The following MACF1 variants were observed in gnomAD, a reference collection of about 807,000 sequenced individuals.
MACF1 encodes microtubule actin crosslinking factor 1.
Under a neutral mutation model 854.8 loss-of-function variants are expected in MACF1, and 193 were observed. The observed-to-expected ratio is 0.23, with a 90% CI of 0.20 to 0.25. The LOEUF is 0.25. MACF1 is among the 10% of genes least tolerant of loss of function. MACF1 has a pLI of 1.00. For missense variants in MACF1, 7,722 were observed against 8,929.1 expected, an observed-to-expected ratio of 0.86 and a Z score of 5.45; for synonymous variants, 3,185 against 3,226.7, an observed-to-expected ratio of 0.99 and a Z score of 0.44.
intron 1 of MACF1, among the ~76,000 whole-genome samples, chr1:39,211,691 G>T (rs1644518870): frequency 6.6e-6 from 1 of 152,096 alleles, no homozygotes; most frequent in Non-Finnish European, 1.5e-5. Flanking sequence ...AACCAGCCTG[G>T]CCAAGATGGT....
chr1:39,196,725 G>A (rs1644325122), intron 2 of MACF1, among the ~76,000 whole-genome samples: 1 of 152,216 alleles, frequency 6.6e-6, no homozygotes, highest in African/African-American at 2.4e-5. Flanking sequence ...TATGATGCTT[G>A]TGGATATCAA....
At chr1:39,406,787 G>T (rs1642732252) in intron 58 of MACF1, among the ~76,000 whole-genome samples, 1 of 138,880 alleles carries the variant, frequency 7.2e-6, no homozygotes, top group South Asian at 2.2e-4. Flanking sequence ...AACCACCCAT[G>T]TTTCATCCAG....
In MACF1 at chr1:39,335,276, A is replaced by G. The variant is rs752568087; in HGVS notation, c.8688A>G (p.Glu2896=). The G allele has an allele frequency of 6.2e-7, 1 of 1,614,138 alleles. No individual in the cohort carries two copies. The highest frequency in any genetic ancestry group is 1.7e-5 in the Admixed American group (1 of 60,030). ...PYSECDFKLK[E]VARNNMGNDT... is the part of the protein sequence containing the mutation. ...CTGAATGTGATTTTAAACTTAAAGA[A>G]GTGGCTAGAAATAACATGGGAAATG... The change falls in exon 37 of 101, where the codon GAA becomes GAG. Residue 2896 remains glutamate (E), a synonymous_variant. Transcript: ENST00000564288.
intron 2 of MACF1, among the ~76,000 whole-genome samples, chr1:39,097,275 G>T (rs892044428): frequency 4.6e-5 from 7 of 152,074 alleles, no homozygotes; most frequent in Non-Finnish European, 1.0e-4. Context: ...CCAGCTTGAG[G>T]TTCAGGCTCT....
intron 58 of MACF1, among the ~76,000 whole-genome samples, chr1:39,390,143 T>C (rs1241648762): frequency 6.6e-6 from 1 of 152,232 alleles, no homozygotes; most frequent in African/African-American, 2.4e-5. Flanking sequence ...AGTCTCTCAC[T>C]CTGCCACTGT....
At chr1:39,205,166 A>G (rs1644436325) in intron 1 of MACF1, 35 bp downstream of exon 1, 1 of 702,344 alleles carries the variant, frequency 1.4e-6, no homozygotes, top group African/African-American at 1.7e-5. Flanking sequence ...CTTTAAATCT[A>G]CTGTGGGGCT....
At chr1:39,317,536 C>CTGGACAAGTTCTGG in intron 29 of MACF1, 129 bp downstream of exon 29, 1 of 1,053,888 alleles carries the variant, frequency 9.5e-7, no homozygotes, top group East Asian at 2.6e-5. Context: ...ATTTAAAAAC[C>CTGGACAAGTTCTGG]ACATAAATTC....
intron 50 of MACF1, 75 bp from the exon 51 acceptor site, chr1:39,369,955 A>T: frequency 1.5e-6 from 2 of 1,366,512 alleles, no homozygotes; most frequent in South Asian, 1.4e-5. Flanking sequence ...CTGGAGTCAC[A>T]GAATGAACTA....
chr1:39,360,034 T>G lies in MACF1; in HGVS notation c.12245-759T>G, dbSNP rs1163164931. Among the ~76,000 whole-genome samples, 27 of 85,182 alleles carry G rather than the reference T, an allele frequency of 3.2e-4. 1 individual carries two copies. The highest frequency in any genetic ancestry group is 1.2e-3 in the African/African-American group (25 of 21,028). 55.9% of individuals were successfully genotyped at this position (85,182 alleles called of 152,430 possible). ...AAAAATATATATATATATATATATA[T>G]ATATATATATATATATATACACACA... On this transcript the variant is annotated intron_variant, in intron 47 of 100. Coordinates refer to ENST00000564288, the MANE Select transcript of MACF1 (RefSeq NM_001394062.1).
chr1:39,225,987 A>T (rs1644711595), intron 1 of MACF1, among the ~76,000 whole-genome samples: 1 of 152,192 alleles, frequency 6.6e-6, no homozygotes, highest in African/African-American at 2.4e-5. Context: ...GCACTGTAAT[A>T]TTCTTTTATC....
At chr1:39,160,698 T>C (rs1011415965) in intron 2 of MACF1, among the ~76,000 whole-genome samples, 7 of 152,204 alleles carry the variant, frequency 4.6e-5, no homozygotes, top group Non-Finnish European at 8.8e-5. Flanking sequence ...GTCCTTATCA[T>C]TTTTTGGAAT....
intron 49 of MACF1, among the ~76,000 whole-genome samples, chr1:39,362,867 G>C (rs1052632369): frequency 6.6e-6 from 1 of 152,166 alleles, no homozygotes; most frequent in Admixed American, 6.6e-5. Flanking sequence ...CATACTGATA[G>C]TCTAGTCTCA....
intron 52 of MACF1, among the ~76,000 whole-genome samples, chr1:39,376,701 C>A (rs1184875985): frequency 6.6e-6 from 1 of 151,972 alleles, no homozygotes; most frequent in African/African-American, 2.4e-5. Context: ...ATAATCACCA[C>A]CCTAATTCAG....
At chr1:39,389,359 T>TG (rs1312480180) in intron 58 of MACF1, among the ~76,000 whole-genome samples, 1 of 123,766 alleles carries the variant, frequency 8.1e-6, no homozygotes, top group Non-Finnish European at 1.6e-5. Flanking sequence ...GTGTTTTTTT[T>TG]TTTTTTTTTT....
rs180906305 is a variant in MACF1, at chr1:39,261,852, A to G, written c.528+3824A>G. ...GGGATTTCTTAATTGTACAGTAAGC[A>G]TGTTTAGCTTTTAAAGAAACTGCCA... On this transcript the variant is annotated intron_variant, in intron 6 of 100. Coordinates refer to ENST00000564288, the MANE Select transcript of MACF1 (RefSeq NM_001394062.1). 2.0e-3 allele frequency among the ~76,000 whole-genome samples: 304 copies of G among 152,310 alleles called. 2 individuals are homozygous for G. Among genetic ancestry groups the G allele is most frequent in the African/African-American group, 7.1e-3 (294 of 41,574 alleles).
intron 66 of MACF1, among the ~76,000 whole-genome samples, chr1:39,431,321 A>G (rs1422366319): frequency 1.3e-5 from 2 of 152,250 alleles, no homozygotes; most frequent in Non-Finnish European, 2.9e-5. Context: ...CCAAAATAGC[A>G]GAGCTATCTA....
intron 6 of MACF1, among the ~76,000 whole-genome samples, chr1:39,271,416 G>A (rs944558299): frequency 6.6e-6 from 1 of 152,152 alleles, no homozygotes; most frequent in Non-Finnish European, 1.5e-5. Flanking sequence ...GCACCAAGGG[G>A]ATGGTGCTAA....
At chr1:39,181,533 C>T (rs1300152962) in intron 2 of MACF1, among the ~76,000 whole-genome samples, 3 of 152,138 alleles carry the variant, frequency 2.0e-5, no homozygotes, top group South Asian at 2.1e-4. Flanking sequence ...TCCTCCTCCT[C>T]TTCTTCCAGA....
Position 39,455,039 on chromosome 1 carries a change from A to G in MACF1, c.21017A>G (p.Asp7006Gly), listed in dbSNP as rs766616258. 2 of 1,614,068 alleles carry G rather than the reference A, an allele frequency of 1.2e-6. No homozygotes were observed. The highest frequency in any genetic ancestry group is 1.7e-6 in the Non-Finnish European group (2 of 1,180,014). ...QWAETTLIQR[D>G]QEPIPQNIDR... ...GCTGAGACCACCCTCATTCAGCGGG[A>G]TCAGGAGCCAATCCCGCAGAACATT... Residue 7006 changes from aspartate (D) to glycine (G), a missense_variant, in exon 89 of 101, where the codon GAT becomes GGT. By Grantham distance (94) the Asp-to-Gly change is moderately conservative. This residue lies in a region of MACF1 where 729 missense variants were observed against 900.5 expected (regional missense o/e 0.81). Coordinates refer to ENST00000564288, the MANE Select transcript of MACF1 (RefSeq NM_001394062.1).
Sources: allele counts gnomAD v4.1 joint callset (sites outside exome capture counted in the v4.1 genomes callset), GRCh38; gene constraint gnomAD v4.1.1; regional missense constraint gnomAD v4.1.1; transcripts MANE v1.5; gene names NCBI Gene and HGNC (gene_info 2026-07-23, HGNC 2026-07-21).